CCSER1: variants seen among roughly 807,000 people sequenced by gnomAD.
CCSER1 encodes the protein coiled-coil serine rich protein 1, also known as serine-rich coiled-coil domain-containing protein 1.
In CCSER1, 41 loss-of-function variants were observed where a neutral mutation model predicts 82.0. The ratio of observed to expected loss-of-function variants is 0.50; its 90% CI spans 0.39 to 0.65. The LOEUF (loss-of-function observed/expected upper bound fraction) is 0.65. Ranked by LOEUF, CCSER1 falls within the 30% of genes least tolerant of loss-of-function variation. CCSER1 has a pLI of 0.00. For synonymous variants in CCSER1, 414 were observed against 383.9 expected, an observed-to-expected ratio of 1.08 and a Z score of -0.92; for missense variants, 1,119 against 1,064.2, an observed-to-expected ratio of 1.05 and a Z score of -0.72.
intron 7 of CCSER1, among the ~76,000 whole-genome samples, chr4:90,778,156 A>T (rs1753197996): frequency 6.6e-6 from 1 of 152,142 alleles, no homozygotes; most frequent in South Asian, 2.1e-4. Context: ...AATAACTCAG[A>T]TTATATTATC....
At chr4:90,433,541 CT>C (rs1253197950) in intron 4 of CCSER1, among the ~76,000 whole-genome samples, 1 of 152,030 alleles carries the variant, frequency 6.6e-6, no homozygotes, top group East Asian at 1.9e-4. Flanking sequence ...GTTTCCTTGT[CT>C]TTAGCATGAT....
At chr4:90,348,177 T>TA (rs1356811780) in intron 3 of CCSER1, among the ~76,000 whole-genome samples, 24 of 152,010 alleles carry the variant, frequency 1.6e-4, no homozygotes. Flanking sequence ...CTAGGTGAAA[T>TA]ACCTGGGTGA....
chr4:90,566,036 T>A (rs1253176264), intron 5 of CCSER1, among the ~76,000 whole-genome samples: 1 of 151,288 alleles, frequency 6.6e-6, no homozygotes, highest in Non-Finnish European at 1.5e-5. Context: ...TTTTGTATTT[T>A]TTTTTTTTTT....
chr4:90,609,288 T>C (rs1785146581), intron 5 of CCSER1, among the ~76,000 whole-genome samples: 1 of 152,100 alleles, frequency 6.6e-6, no homozygotes, highest in South Asian at 2.1e-4. Context: ...CTTTTCACTG[T>C]AGTTGATATT....
chr4:90,486,225 C>G (rs1767033224), intron 5 of CCSER1, among the ~76,000 whole-genome samples: 1 of 152,206 alleles, frequency 6.6e-6, no homozygotes, highest in African/African-American at 2.4e-5. Context: ...CTGGTTGCAT[C>G]TTTTCCCAAT....
intron 5 of CCSER1, among the ~76,000 whole-genome samples, chr4:90,498,934 T>A (rs1382914479): frequency 6.6e-6 from 1 of 152,148 alleles, no homozygotes; most frequent in Admixed American, 6.5e-5. Flanking sequence ...TCATAAAACG[T>A]GAACAGACTT....
At chr4:90,789,166 C>A (rs940796215) in intron 7 of CCSER1, among the ~76,000 whole-genome samples, 9 of 152,072 alleles carry the variant, frequency 5.9e-5, no homozygotes, top group Non-Finnish European at 1.2e-4. Flanking sequence ...ACTCTGCTTC[C>A]AAAACACCAT....
rs573288283 is a variant in CCSER1 at position 91,006,738 on chromosome 4, G to A, written c.2173-79212G>A. On this transcript the variant is annotated intron_variant, in intron 9 of 10. Transcript: ENST00000509176. ...GATCTCCTGACCTCGTGATCCACCC[G>A]CCTTGGCCTCCCAAAGTGCTGGGAT... Among the ~76,000 whole-genome samples the A allele has an allele frequency of 1.2e-4, 18 of 152,028 alleles. No homozygotes were observed. The South Asian group carries it at 2.9e-3, about 25-fold the overall frequency.
At chr4:90,767,008 G>A (rs761318736) in intron 7 of CCSER1, among the ~76,000 whole-genome samples, 2 of 152,110 alleles carry the variant, frequency 1.3e-5, no homozygotes, top group Non-Finnish European at 2.9e-5. Context: ...TACTGAGCAA[G>A]CTGAATGTCA....
At chr4:90,383,441 G>A (rs867338064) in intron 3 of CCSER1, among the ~76,000 whole-genome samples, 2 of 152,266 alleles carry the variant, frequency 1.3e-5, no homozygotes. Flanking sequence ...AAAAATGGTA[G>A]CATAACTGTT....
chr4:91,491,426 G>A (rs12644077), intron 10 of CCSER1, among the ~76,000 whole-genome samples: 96,155 of 151,762 alleles, frequency 0.63, 31,574 homozygotes, highest in Non-Finnish European at 0.74. Flanking sequence ...TGGGAAATTA[G>A]ATGTCAGCTA....
intron 10 of CCSER1, among the ~76,000 whole-genome samples, chr4:91,341,404 G>A (rs1425850259): frequency 2.0e-5 from 3 of 152,070 alleles, no homozygotes; most frequent in Non-Finnish European, 4.4e-5. Flanking sequence ...CTAATTATTA[G>A]TTTCAGAATA....
At chr4:90,446,801 G>T (rs1308576686) in intron 4 of CCSER1, among the ~76,000 whole-genome samples, 1 of 152,072 alleles carries the variant, frequency 6.6e-6, no homozygotes, top group African/African-American at 2.4e-5. Flanking sequence ...CCATCCTTGA[G>T]ACAGCAATAC....
chr4:90,594,046 T>G (rs921738054), intron 5 of CCSER1, among the ~76,000 whole-genome samples: 1 of 151,886 alleles, frequency 6.6e-6, no homozygotes, highest in African/African-American at 2.4e-5. Context: ...ATCTTTACAA[T>G]CCAAATTTAA....
At chr4:90,196,145 G>T (rs1445234680) in intron 1 of CCSER1, among the ~76,000 whole-genome samples, 4 of 145,920 alleles carry the variant, frequency 2.7e-5, no homozygotes. Context: ...TTCCAGTTCT[G>T]GTCAATGAAA....
intron 3 of CCSER1, among the ~76,000 whole-genome samples, chr4:90,366,085 A>G (rs1164517657): frequency 6.6e-6 from 1 of 151,934 alleles, no homozygotes; most frequent in Non-Finnish European, 1.5e-5. Flanking sequence ...CTTGGTTACC[A>G]GTAAAGCTGT....
chr4:91,179,794 C>G (rs1581720833), intron 10 of CCSER1, among the ~76,000 whole-genome samples: 1 of 152,194 alleles, frequency 6.6e-6, no homozygotes, highest in Non-Finnish European at 1.5e-5. Context: ...TTGTCTGAAG[C>G]CTTCTTCTCT....
At chr4:91,502,130 GT>G (rs1329851680) in intron 10 of CCSER1, among the ~76,000 whole-genome samples, 1 of 152,204 alleles carries the variant, frequency 6.6e-6, no homozygotes, top group Non-Finnish European at 1.5e-5. Flanking sequence ...GATGTTTACA[GT>G]TCAAGGAGAG....
At chr4:90,184,486 G>C (rs1377730202) in intron 1 of CCSER1, among the ~76,000 whole-genome samples, 1 of 152,124 alleles carries the variant, frequency 6.6e-6, no homozygotes, top group Non-Finnish European at 1.5e-5. Context: ...TAGGGAAGCT[G>C]ATAGTAGAAC....
Sources: gnomAD v4.1 joint callset for allele counts (sites outside exome capture counted in the v4.1 genomes callset) on GRCh38, gnomAD v4.1.1 for gene constraint, MANE v1.5 for transcripts, NCBI Gene and HGNC (gene_info 2026-07-23, HGNC 2026-07-21) for gene names.